Variants in ICE2 observed in about 807,000 individuals in gnomAD.
ICE2 encodes little elongation complex subunit 2.
Under a neutral mutation model 105.4 loss-of-function variants are expected in ICE2, and 87 were observed. That is an observed-to-expected ratio of 0.83 (90% confidence interval 0.69 to 0.99). ICE2 has a LOEUF of 0.99. Among genes scored for constraint, ICE2 ranks in the 50% least tolerant of loss-of-function variants. ICE2 has a pLI of 0.00. For synonymous variants in ICE2, 399 were observed against 392.0 expected, an observed-to-expected ratio of 1.02 and a Z score of -0.21; for missense variants, 1,323 against 1,146.7, an observed-to-expected ratio of 1.15 and a Z score of -2.22.
In ICE2 at chr15:60,455,124, G is replaced by A. The variant is rs1278665152; in HGVS notation, c.822C>T (p.Ser274=). 2 of 1,589,880 alleles carry A rather than the reference G, an allele frequency of 1.3e-6. No homozygotes were observed. The highest frequency in any genetic ancestry group is 8.5e-7 in the Non-Finnish European group (1 of 1,172,836). Residue 274 remains serine (S), a synonymous_variant, in exon 8 of 16, where the codon TCC becomes TCT. Transcript: ENST00000261520. ...SKDPNAEKLV[S]RYHPQIALTS... is the part of the protein sequence containing the mutation. ...TTAGAGCTATCTGAGGGTGATATCT[G>A]GAAACAAGCTTCTCTGCATTTGGAT...
At position 60,445,561 on chromosome 15, in the gene ICE2, G is replaced by C. The variant is rs1042224315; in HGVS notation, c.2295+2409C>G. On this transcript the variant is annotated intron_variant, in intron 11 of 15. Coordinates refer to ENST00000261520, the MANE Select transcript of ICE2 (RefSeq NM_024611.6). ...GAGTTTGACACAATCAGAAATATAA[G>C]CCTTCTATTTAGACAGTCTTTAGGG... is the stretch of plus-strand genomic sequence containing the variant. 4 of 961,778 alleles carry C rather than the reference G, an allele frequency of 4.2e-6. No individual in the cohort carries two copies. The African/African-American group carries it at 7.0e-5, about 17-fold the overall frequency. The allele number at this position is 961,778 out of a possible 1,614,324, so 59.6% of individuals were successfully genotyped here.
chr15:60,469,355 T>C lies in ICE2; in HGVS notation c.147-1033A>G, dbSNP rs1163455787. ...GCTAATGCATGCTGGGCTTAATACCTAGGTGATGGGTTGGTAAGTACAACA... is the reference window on the plus strand; with the variant it reads ...GCTAATGCATGCTGGGCTTAATACCCAGGTGATGGGTTGGTAAGTACAACA... On this transcript the variant is annotated intron_variant, in intron 3 of 15. Coordinates refer to ENST00000261520, the MANE Select transcript of ICE2 (RefSeq NM_024611.6). Among the ~76,000 whole-genome samples the C allele has an allele frequency of 3.3e-5, 5 of 152,154 alleles. No individual in the cohort carries two copies. In the East Asian group the frequency reaches 7.7e-4, roughly 23 times the overall value.
At chr15:60,463,723 T>G (rs1370446252) in intron 5 of ICE2, among the ~76,000 whole-genome samples, 1 of 152,144 alleles carries the variant, frequency 6.6e-6, no homozygotes, top group East Asian at 1.9e-4. Context: ...TGGGCTGAGA[T>G]CGTGCCATTG....
At chr15:60,431,499 T>G (rs1770166604) in intron 14 of ICE2, among the ~76,000 whole-genome samples, 1 of 152,106 alleles carries the variant, frequency 6.6e-6, no homozygotes, top group Admixed American at 6.6e-5. Context: ...GAGCCACAAG[T>G]CAACGAATAC....
chr15:60,476,666 T>C lies in ICE2; in HGVS notation c.42-499A>G, dbSNP rs143032337. Among the ~76,000 whole-genome samples, 763 of 152,344 alleles carry C rather than the reference T, an allele frequency of 5.0e-3. 7 individuals carry two copies. The highest frequency in any genetic ancestry group is 0.018 in the African/African-American group (738 of 41,586). On this transcript the variant is annotated intron_variant, in intron 2 of 15. Transcript: ENST00000261520. ...TTGGCAAATGGGATAACTGGTTTGC[T>C]AAAACCACCTCAAAGGTGATATGAT...
chr15:60,478,763 T>C (rs1405606277), intron 1 of ICE2: 9 of 350,612 alleles, frequency 2.6e-5, no homozygotes, highest in Admixed American at 2.1e-4. Context: ...TGGGGGGGAA[T>C]AGTCGAGGAA....
At chr15:60,430,133 T>C (rs1450778514) in intron 14 of ICE2, among the ~76,000 whole-genome samples, 3 of 152,186 alleles carry the variant, frequency 2.0e-5, no homozygotes, top group African/African-American at 4.8e-5. Flanking sequence ...GATTTTAAAA[T>C]GATCAAATTT....
chr15:60,435,754 T>C (rs1347278235), intron 13 of ICE2, among the ~76,000 whole-genome samples: 1 of 152,162 alleles, frequency 6.6e-6, no homozygotes, highest in Non-Finnish European at 1.5e-5. Flanking sequence ...GGCAGGCACA[T>C]TGCTTGAGTC....
At chr15:60,429,553 T>A (rs1456526671) in intron 14 of ICE2, among the ~76,000 whole-genome samples, 1 of 152,216 alleles carries the variant, frequency 6.6e-6, no homozygotes, top group African/African-American at 2.4e-5. Context: ...AATAAATATA[T>A]TGTGCTTTCT....
chr15:60,441,469 A>AAATTTTATTAGACTCAACACAG (rs2063719092), intron 12 of ICE2: 1 of 152,226 alleles, frequency 6.6e-6, no homozygotes, highest in South Asian at 2.1e-4. Context: ...GTATAACACA[A>AAATTTTATTAGACTCAACACAG]AATTTTATTA....
intron 14 of ICE2, among the ~76,000 whole-genome samples, chr15:60,431,702 T>C (rs1380190786): frequency 6.6e-6 from 1 of 152,180 alleles, no homozygotes; most frequent in East Asian, 1.9e-4. Context: ...ACAGCTGCAA[T>C]AGAAAAATAA....
rs758684090 is a variant in ICE2, at chr15:60,453,577, T to C, written c.1125+26A>G. ...AAAGGATAAACAAGTACATTCCCCT[T>C]AGGGGAAAAAAAAAGCATTACATAC... On this transcript the variant is annotated intron_variant, in intron 9 of 15. Coordinates refer to ENST00000261520, the MANE Select transcript of ICE2 (RefSeq NM_024611.6). The C allele has an allele frequency of 1.7e-4, 278 of 1,608,760 alleles. 6 individuals are homozygous for C. The Admixed American group carries it at 3.1e-3, about 18-fold the overall frequency.
At chr15:60,472,213 T>G (rs78463302) in intron 3 of ICE2, among the ~76,000 whole-genome samples, 2,394 of 152,246 alleles carry the variant, frequency 0.016, 41 homozygotes, top group East Asian at 0.071. Flanking sequence ...TTTATATTAT[T>G]CATTTGTAAA....
Position 60,423,435 on chromosome 15 carries a change from C to T in ICE2, c.*199G>A, listed in dbSNP as rs778554637. 2.7e-5 allele frequency: 11 copies of T among 412,478 alleles called. No homozygotes were observed. The highest frequency in any genetic ancestry group is 4.7e-5 in the Non-Finnish European group (11 of 232,346). The allele number at this position is 412,478 out of a possible 1,614,324, so 25.6% of individuals were successfully genotyped here. On this transcript the variant is annotated 3_prime_UTR_variant, in exon 16 of 16. Transcript: ENST00000261520. Reference sequence around the variant, plus strand: ...AATGTTAAAACATATCAAGATCCTCCTCAAACTTCAAGGGTGAAAAGCATA... The same window carrying T: ...AATGTTAAAACATATCAAGATCCTCTTCAAACTTCAAGGGTGAAAAGCATA...
chr15:60,448,832 G>C lies in ICE2; in HGVS notation c.2119+16C>G, dbSNP rs1159844294. On this transcript the variant is annotated intron_variant, in intron 10 of 15. Transcript: ENST00000261520. ...ACAAGTAAAACACTGTAAGCTCTTTGTAAATATTTACTTACGTCCTTTTGG... is the reference window on the plus strand; with the variant it reads ...ACAAGTAAAACACTGTAAGCTCTTTCTAAATATTTACTTACGTCCTTTTGG... The C allele has an allele frequency of 2.1e-5, 33 of 1,558,490 alleles. No individual in the cohort carries two copies. Among genetic ancestry groups the C allele is most frequent in the Non-Finnish European group, 2.8e-5 (32 of 1,158,408 alleles).
At chr15:60,453,879 G>GA (rs1413413589) in intron 8 of ICE2, 95 bp from the exon 9 acceptor site, 2 of 927,346 alleles carry the variant, frequency 2.2e-6, no homozygotes, top group Non-Finnish European at 3.3e-6. Flanking sequence ...ACCAAACAAA[G>GA]AGACACAGGA....
At chr15:60,467,899 T>C (rs906350647) in intron 4 of ICE2, among the ~76,000 whole-genome samples, 162 bp downstream of exon 4, 2 of 152,200 alleles carry the variant, frequency 1.3e-5, no homozygotes, top group African/African-American at 4.8e-5. Context: ...TGAACTACAA[T>C]GGAACCAACA....
Position 60,423,641 on chromosome 15 carries a change from AT to A in ICE2, c.2941del (p.Ile981Ter). ...TEGVAPHKRK[I>X]T ...TTTTCCATGGTACAGTCCTCAAGTT[AT>A]TTTTCTTTTATGTGGAGCCACTCCT... is the stretch of plus-strand genomic sequence containing the variant. On this transcript the variant is annotated frameshift_variant, in exon 16 of 16. Coordinates refer to ENST00000261520, the MANE Select transcript of ICE2 (RefSeq NM_024611.6). LOFTEE classifies it high-confidence loss of function. The A allele has an allele frequency of 6.2e-7, 1 of 1,607,304 alleles. No homozygotes were observed. Among genetic ancestry groups the A allele is most frequent in the Non-Finnish European group, 8.5e-7 (1 of 1,178,026 alleles).
chr15:60,454,857 C>G (rs538856392), intron 8 of ICE2, 146 bp downstream of exon 8: 1 of 588,478 alleles, frequency 1.7e-6, no homozygotes, highest in African/African-American at 2.1e-5. Flanking sequence ...TCTCACCTTG[C>G]CCCCCACCCC....
Sources: gnomAD v4.1 joint callset for allele counts (sites outside exome capture counted in the v4.1 genomes callset) on GRCh38, gnomAD v4.1.1 for gene constraint, MANE v1.5 for transcripts, NCBI Gene and HGNC (gene_info 2026-07-23, HGNC 2026-07-21) for gene names.